Variants in CACNG2 observed in about 807,000 individuals in gnomAD.
The protein encoded by CACNG2 is voltage-dependent calcium channel gamma-2 subunit.
A neutral mutation model predicts 25.9 loss-of-function variants in CACNG2; 3 were observed. That is an observed-to-expected ratio of 0.12 (90% CI 0.05 to 0.30). CACNG2 has a LOEUF of 0.30. Ranked by LOEUF, CACNG2 falls within the 10% of genes least tolerant of loss-of-function variation. The probability of loss-of-function intolerance (pLI) is 1.00; values close to 1 mark genes in which losing one functional copy is unlikely to be tolerated. For missense variants in CACNG2, 341 were observed against 432.5 expected, an observed-to-expected ratio of 0.79 and a Z score of 1.88; for synonymous variants, 167 against 173.3, an observed-to-expected ratio of 0.96 and a Z score of 0.29.
chr22:36,668,141 C>T (rs186608815), intron 1 of CACNG2, among the ~76,000 whole-genome samples: 8 of 152,324 alleles, frequency 5.3e-5, no homozygotes, highest in African/African-American at 1.7e-4. Context: ...ATGCCTCTGC[C>T]GGGCTCTCGG....
At position 36,562,197 on chromosome 22, in the gene CACNG2, G is replaced by GGT. The variant is rs142179335; in HGVS notation, c.*2152_*2153dup. 5,415 of 151,354 alleles carry GGT rather than the reference G, an allele frequency of 0.036. 354 individuals carry two copies. Among genetic ancestry groups the GGT allele is most frequent in the African/African-American group, 0.12 (4,967 of 41,186 alleles). The allele number at this position is 151,354 out of a possible 1,614,324, so 9.4% of individuals were successfully genotyped here. On this transcript the variant is annotated 3_prime_UTR_variant, in exon 4 of 4. Transcript: ENST00000300105. ...CGGGGAGCACAGTGAGGAGGTATAT[G>GGT]GTGTGTGTGTGTGTGTGTGTCTGAG...
chr22:36,673,837 C>T (rs1936987495), intron 1 of CACNG2, among the ~76,000 whole-genome samples: 1 of 152,172 alleles, frequency 6.6e-6, no homozygotes, highest in Non-Finnish European at 1.5e-5. Flanking sequence ...CATGAGTTAT[C>T]ACGAGTCAGC....
chr22:36,603,122 T>C (rs1317042054), intron 1 of CACNG2, among the ~76,000 whole-genome samples: 1 of 152,272 alleles, frequency 6.6e-6, no homozygotes, highest in Non-Finnish European at 1.5e-5. Context: ...TTAAAAGTGC[T>C]ACTCTCTATG....
At chr22:36,612,547 G>A (rs984210710) in intron 1 of CACNG2, among the ~76,000 whole-genome samples, 9 of 151,946 alleles carry the variant, frequency 5.9e-5, no homozygotes, top group East Asian at 3.9e-4. Context: ...ATAGTTTATC[G>A]TCCCTGGAAA....
At chr22:36,565,027 C>G in intron 3 of CACNG2, 141 bp from the exon 4 acceptor site, 2 of 724,416 alleles carry the variant, frequency 2.8e-6, no homozygotes, top group Non-Finnish European at 4.8e-6. Flanking sequence ...ACAGGTGGGG[C>G]GGTGTAGATG....
chr22:36,643,831 A>G (rs192532619), intron 1 of CACNG2, among the ~76,000 whole-genome samples: 4 of 152,342 alleles, frequency 2.6e-5, no homozygotes, highest in African/African-American at 7.2e-5. Flanking sequence ...TTTAAGCCTT[A>G]GGACAATCTC....
intron 1 of CACNG2, among the ~76,000 whole-genome samples, chr22:36,628,574 G>C (rs910950894): frequency 6.6e-6 from 1 of 152,174 alleles, no homozygotes; most frequent in Non-Finnish European, 1.5e-5. Flanking sequence ...GAAATCAAAT[G>C]GAAGGGACAG....
At chr22:36,613,040 T>C (rs1479415111) in intron 1 of CACNG2, among the ~76,000 whole-genome samples, 2 of 152,190 alleles carry the variant, frequency 1.3e-5, no homozygotes, top group African/African-American at 4.8e-5. Flanking sequence ...GGAGGTTAAA[T>C]AGGTTTCCTT....
rs997612447 is a variant in CACNG2, at chr22:36,607,857, G to A, written c.212-20309C>T. Reference sequence around the variant, plus strand: ...ACTCTGCCATCATGCTCTCCCAGCCGAATTAAGCTCTCCTCTCTTCTCCAC... The same window carrying A: ...ACTCTGCCATCATGCTCTCCCAGCCAAATTAAGCTCTCCTCTCTTCTCCAC... On this transcript the variant is annotated intron_variant, in intron 1 of 3. Coordinates refer to ENST00000300105, the MANE Select transcript of CACNG2 (RefSeq NM_006078.5). Among the ~76,000 whole-genome samples, 8 of 152,292 alleles carry A rather than the reference G, an allele frequency of 5.3e-5. 1 individual carries two copies. Among genetic ancestry groups the A allele is most frequent in the Admixed American group, 3.3e-4 (5 of 15,292 alleles).
intron 1 of CACNG2, among the ~76,000 whole-genome samples, chr22:36,676,932 TTGTGTGTGTGTGTG>T (rs138729815): frequency 1.4e-5 from 2 of 141,650 alleles, no homozygotes; most frequent in East Asian, 2.1e-4. Context: ...TCTTCTAATA[TTGTGTGTGTGTGTG>T]TGTGTGTGTG....
chr22:36,675,917 C>T (rs1380587871), intron 1 of CACNG2, among the ~76,000 whole-genome samples: 2 of 152,238 alleles, frequency 1.3e-5, no homozygotes, highest in Non-Finnish European at 2.9e-5. Context: ...ACCATGACAG[C>T]CCTGTCTGTG....
At chr22:36,588,959 G>A (rs916833700) in intron 1 of CACNG2, among the ~76,000 whole-genome samples, 1 of 151,004 alleles carries the variant, frequency 6.6e-6, no homozygotes, top group South Asian at 2.1e-4. Context: ...ATATTAATTA[G>A]GAATTTTACG....
intron 1 of CACNG2, among the ~76,000 whole-genome samples, chr22:36,666,408 AAAATAAAT>A (rs552569400): frequency 1.6e-3 from 218 of 133,680 alleles, no homozygotes; most frequent in African/African-American, 6.4e-3. Flanking sequence ...ACCCAGTCTC[AAAATAAAT>A]AAATAAATAA....
At chr22:36,664,340 T>C (rs1355222910) in intron 1 of CACNG2, among the ~76,000 whole-genome samples, 1 of 152,208 alleles carries the variant, frequency 6.6e-6, no homozygotes, top group Non-Finnish European at 1.5e-5. Context: ...ATTGATCGCC[T>C]ACTCGATGAG....
intron 1 of CACNG2, among the ~76,000 whole-genome samples, chr22:36,612,742 C>T (rs1935963288): frequency 6.6e-6 from 1 of 152,230 alleles, no homozygotes; most frequent in East Asian, 1.9e-4. Flanking sequence ...ATACCCCCTC[C>T]ACCACCTTCC....
intron 1 of CACNG2, among the ~76,000 whole-genome samples, chr22:36,641,983 C>T (rs1323657455): frequency 6.6e-6 from 1 of 152,318 alleles, no homozygotes; most frequent in African/African-American, 2.4e-5. Context: ...GCTGGGAGAG[C>T]TCCTGAAGGG....
At chr22:36,657,929 G>A (rs979304218) in intron 1 of CACNG2, among the ~76,000 whole-genome samples, 1 of 152,124 alleles carries the variant, frequency 6.6e-6, no homozygotes, top group South Asian at 2.1e-4. Flanking sequence ...GCTCTCCAGA[G>A]TGTCTGAGGC....
chr22:36,638,735 C>T (rs1239458293), intron 1 of CACNG2, among the ~76,000 whole-genome samples: 1 of 152,100 alleles, frequency 6.6e-6, no homozygotes, highest in East Asian at 1.9e-4. Context: ...ATTTTATGCG[C>T]TCTTGAAGGT....
intron 1 of CACNG2, among the ~76,000 whole-genome samples, chr22:36,696,339 C>T (rs1352997625): frequency 1.3e-5 from 2 of 152,210 alleles, no homozygotes; most frequent in African/African-American, 4.8e-5. Context: ...CTCTCTCCCT[C>T]CTTCCATCCC....
Sources: gnomAD v4.1 joint callset for allele counts (sites outside exome capture counted in the v4.1 genomes callset) on GRCh38, gnomAD v4.1.1 for gene constraint, MANE v1.5 for transcripts, NCBI Gene and HGNC (gene_info 2026-07-23, HGNC 2026-07-21) for gene names.